The following NLGN2 variants were observed in gnomAD, a reference collection of about 807,000 sequenced individuals.
The protein encoded by NLGN2 is neuroligin-2.
In NLGN2, 11 loss-of-function variants were observed where a neutral mutation model predicts 48.6. That is an observed-to-expected ratio of 0.23 (90% CI 0.14 to 0.37). The LOEUF is 0.37. Among genes scored for constraint, NLGN2 ranks in the 10% least tolerant of loss-of-function variants. NLGN2 has a pLI of 1.00. For missense variants in NLGN2, 801 were observed against 1,225.2 expected (o/e 0.65, Z 5.17); for synonymous variants, 548 against 550.0 (o/e 1.00, Z 0.05).
rs201917326 is a variant in NLGN2 at position 7,414,350 on chromosome 17, G to A, written c.515G>A (p.Arg172His). ...CCCACCCCTCCCCACACAGATATCC[G>A]TGACCCTGGGAAGAAGCCTGTGATG... Reference protein sequence around the residue: ...ATLNPPDTDIRDPGKKPVMLF... With the variant: ...ATLNPPDTDIHDPGKKPVMLF... Residue 172 changes from arginine (R) to histidine (H), a missense_variant, in exon 3 of 7, where the codon CGT (arginine) becomes CAT (histidine). By Grantham distance (29) the Arg-to-His change is conservative. Around this residue, in one of 5 missense-constraint regions of NLGN2, gnomAD observed 56 missense variants for 100.0 expected, o/e 0.56. Transcript: ENST00000302926. 128 of 1,297,388 alleles carry A rather than the reference G, an allele frequency of 9.9e-5. No individual in the cohort carries two copies. The highest frequency in any genetic ancestry group is 1.8e-4 in the Middle Eastern group (1 of 5,448). 80.4% of individuals were successfully genotyped at this position (1,297,388 alleles called of 1,614,324 possible). A position where few individuals can be genotyped will look rare whatever the true frequency, so the allele number is the denominator to read the frequency against.
intron 1 of NLGN2, among the ~76,000 whole-genome samples, chr17:7,409,653 A>C (rs747335046): frequency 6.6e-6 from 1 of 152,064 alleles, no homozygotes; most frequent in Non-Finnish European, 1.5e-5. Flanking sequence ...CGCTTCCCAC[A>C]GTCCATGTTT....
chr17:7,418,556 A>C lies in NLGN2; in HGVS notation c.*757A>C, dbSNP rs980752192. On this transcript the variant is annotated 3_prime_UTR_variant, in exon 7 of 7. Transcript: ENST00000302926. ...GGCCAGGACGCATTTCTCTGAGTGG[A>C]AACAGGTTCTTGCATGTGGATGTGT... 1 of 152,188 alleles carries C rather than the reference A, an allele frequency of 6.6e-6. No homozygotes were observed. Among genetic ancestry groups the C allele is most frequent in the African/African-American group, 2.4e-5 (1 of 41,406 alleles). 9.4% of individuals were successfully genotyped at this position (152,188 alleles called of 1,614,324 possible).
rs1339902346 is a variant in NLGN2 at position 7,411,108 on chromosome 17, G to A, written c.458-1049G>A. On this transcript the variant is annotated intron_variant, in intron 1 of 6. Transcript: ENST00000302926. The surrounding 1 kb of genome is among the most constrained non-coding windows in gnomAD (Gnocchi z 4.5). ...TGACCAACCCCGTAATCTGGAAGAA[G>A]CCCTGACACTGGGCGAACCTGGTGC... is the stretch of plus-strand genomic sequence containing the variant. Among the ~76,000 whole-genome samples the A allele has an allele frequency of 2.0e-5, 3 of 152,250 alleles. No individual in the cohort carries two copies. Among genetic ancestry groups the A allele is most frequent in the Non-Finnish European group, 2.9e-5 (2 of 68,052 alleles).
chr17:7,414,902 C>T (rs201568017), intron 4 of NLGN2, 54 bp downstream of exon 4: 4 of 1,613,472 alleles, frequency 2.5e-6, no homozygotes, highest in South Asian at 1.1e-5. Flanking sequence ...CAACTCCCCC[C>T]TCTCCTTCAG....
At position 7,408,840 on chromosome 17, in the gene NLGN2, T is replaced by C; in HGVS notation, c.457+128T>C. ...TTTGTGGGGGCAGTGAGGGACGGAG[T>C]GTCCCTGCAACCTCTACGTGCCCCC... On this transcript the variant is annotated intron_variant, in intron 1 of 6. Transcript: ENST00000302926. The surrounding 1 kb of genome is among the most constrained non-coding windows in gnomAD (Gnocchi z 7.5). 1.3e-6 allele frequency: 2 copies of C among 1,517,554 alleles called. No homozygotes were observed. Among genetic ancestry groups the C allele is most frequent in the South Asian group, 1.2e-5 (1 of 86,066 alleles). 94.0% of individuals were successfully genotyped at this position (1,517,554 alleles called of 1,614,324 possible). A position where few individuals can be genotyped will look rare whatever the true frequency, so the allele number is the denominator to read the frequency against.
chr17:7,410,645 G>C (rs1906843398), intron 1 of NLGN2, among the ~76,000 whole-genome samples: 1 of 152,078 alleles, frequency 6.6e-6, no homozygotes. Context: ...CCAATGGACT[G>C]TCCACCCCAA....
At chr17:7,412,277 A>G (rs113517824) in intron 2 of NLGN2, 70 bp downstream of exon 2, 1 of 1,175,944 alleles carries the variant, frequency 8.5e-7, no homozygotes, top group East Asian at 2.3e-5. Context: ...GCCCCTCACT[A>G]AATGTCCCCA....
chr17:7,408,721 G>A lies in NLGN2; in HGVS notation c.457+9G>A, dbSNP rs147902166. On this transcript the variant is annotated intron_variant, in intron 1 of 6. Coordinates refer to ENST00000302926, the MANE Select transcript of NLGN2 (RefSeq NM_020795.4). This position sits in a 1 kb window ranked among gnomAD's most constrained non-coding sequence, Gnocchi z 7.5. ...CGTGCCCACCGAGGACGGTAAGGGC[G>A]CGGGCACAAAGCCGGGCACCCCGTG... is the stretch of plus-strand genomic sequence containing the variant. 2,567 of 1,612,784 alleles carry A rather than the reference G, an allele frequency of 1.6e-3. 45 individuals are homozygous for A. In the African/African-American group the frequency reaches 0.031, roughly 19 times the overall value.
At position 7,415,880 on chromosome 17, in the gene NLGN2, G is replaced by A. The variant is rs1200939436; in HGVS notation, c.1407G>A (p.Lys469=). ...QWVAPAVATA[K]LHADYQSPVY... ...TGGCACCAGCTGTGGCCACTGCCAA[G>A]CTGCACGCCGACTACCAGTCTCCCG... The change falls in exon 6 of 7, where the codon AAG becomes AAA. Residue 469 remains lysine (K), a synonymous_variant. Transcript: ENST00000302926. 6.2e-7 allele frequency: 1 copy of A among 1,610,566 alleles called. No homozygotes were observed. The highest frequency in any genetic ancestry group is 8.5e-7 in the Non-Finnish European group (1 of 1,177,498).
chr17:7,412,594 C>G (rs1005859114), intron 2 of NLGN2, among the ~76,000 whole-genome samples: 4 of 151,794 alleles, frequency 2.6e-5, no homozygotes, highest in Admixed American at 2.0e-4. Context: ...GAAATTGGAA[C>G]AAAACAACAG....
At chr17:7,412,687 A>G (rs781366495) in intron 2 of NLGN2, among the ~76,000 whole-genome samples, 3 of 152,208 alleles carry the variant, frequency 2.0e-5, no homozygotes, top group African/African-American at 7.2e-5. Flanking sequence ...AGCCTGTCAG[A>G]CACAGAAAAC....
In NLGN2 at chr17:7,417,945, G is replaced by A. The variant is rs1340090146; in HGVS notation, c.*146G>A. ...TAAGGTGGACATGGGATTCCTCCCT[G>A]CGATGCGTGTCTTTCCCACGCAGAG... On this transcript the variant is annotated 3_prime_UTR_variant, in exon 7 of 7. Coordinates refer to ENST00000302926, the MANE Select transcript of NLGN2 (RefSeq NM_020795.4). 5.1e-5 allele frequency: 33 copies of A among 651,912 alleles called. No individual in the cohort carries two copies. The East Asian group carries it at 1.1e-3, about 22-fold the overall frequency. 40.4% of individuals were successfully genotyped at this position (651,912 alleles called of 1,614,324 possible).
Position 7,408,792 on chromosome 17 carries a change from G to C in NLGN2, c.457+80G>C. 1.2e-6 allele frequency: 2 copies of C among 1,605,452 alleles called. No homozygotes were observed. The highest frequency in any genetic ancestry group is 8.5e-7 in the Non-Finnish European group (1 of 1,177,312). ...ATGCAGACCCTCAGGCACTGGCACC[G>C]CTCTAGGGCTCAGAGCTGGGCCTTT... On this transcript the variant is annotated intron_variant, in intron 1 of 6. Coordinates refer to ENST00000302926, the MANE Select transcript of NLGN2 (RefSeq NM_020795.4). The surrounding 1 kb of genome is among the most constrained non-coding windows in gnomAD (Gnocchi z 7.5).
chr17:7,414,935 G>A, intron 4 of NLGN2, 21 bp from the exon 5 acceptor site: 1 of 1,613,168 alleles, frequency 6.2e-7, no homozygotes, highest in Non-Finnish European at 8.5e-7. Context: ...AGCCTGGCCT[G>A]AGGTCTGCCT....
rs750486754 is a variant in NLGN2, at chr17:7,417,200, G to A, written c.1909G>A (p.Ala637Thr). The change falls in exon 7 of 7, where the codon GCC (alanine) becomes ACC (threonine). Residue 637 changes from alanine to threonine, a missense_variant. By Grantham distance (58) the Ala-to-Thr change is moderately conservative. Coordinates refer to ENST00000302926, the MANE Select transcript of NLGN2 (RefSeq NM_020795.4). ...CTGGCCGCCTCGTCCCCCCGCTGGC[G>A]CCCCGGGCACACGCCGGCCCCCGCC... ...TRWPPRPPAG[A>T]PGTRRPPPPA... The A allele has an allele frequency of 3.1e-5, 48 of 1,561,120 alleles. No homozygotes were observed. In the Middle Eastern group the frequency reaches 5.5e-4, roughly 18 times the overall value.
In NLGN2 at chr17:7,408,180, C is replaced by G. The variant is rs1022354544; in HGVS notation, c.-76C>G. 1.3e-6 allele frequency: 1 copy of G among 795,228 alleles called. No homozygotes were observed. The allele number at this position is 795,228 out of a possible 1,614,324, so 49.3% of individuals were successfully genotyped here. Reference sequence around the variant, plus strand: ...CTCCCTCCTGGGGCGAGGGGGGCCTCCCTCCCTCTCCCCCCCTTCTCTCTC... The same window carrying G: ...CTCCCTCCTGGGGCGAGGGGGGCCTGCCTCCCTCTCCCCCCCTTCTCTCTC... On this transcript the variant is annotated 5_prime_UTR_variant, in exon 1 of 7. Coordinates refer to ENST00000302926, the MANE Select transcript of NLGN2 (RefSeq NM_020795.4). The surrounding 1 kb of genome is among the most constrained non-coding windows in gnomAD (Gnocchi z 7.5).
In NLGN2 at chr17:7,408,270, G is replaced by A. The variant is rs1474203798; in HGVS notation, c.15G>A (p.Ala5=). ...CCCCGATCAGCATGTGGCTCCTGGC[G>A]CTGTGTCTGGTGGGGCTGGCGGGGG... The part of the protein sequence containing the change: MWLL[A]LCLVGLAGAQ... Residue 5 remains alanine, a synonymous_variant, in exon 1 of 7, where the codon GCG becomes GCA. Transcript: ENST00000302926. This position sits in a 1 kb window ranked among gnomAD's most constrained non-coding sequence, Gnocchi z 7.5. 1.5e-6 allele frequency: 2 copies of A among 1,321,262 alleles called. No individual in the cohort carries two copies. The highest frequency in any genetic ancestry group is 6.2e-5 in the East Asian group (2 of 32,092). 81.8% of individuals were successfully genotyped at this position (1,321,262 alleles called of 1,614,324 possible). A position where few individuals can be genotyped will look rare whatever the true frequency, so the allele number is the denominator to read the frequency against.
In NLGN2 at chr17:7,416,054, C is replaced by T. The variant is rs145456351; in HGVS notation, c.1581C>T (p.Asp527=). 5.4e-4 allele frequency: 834 copies of T among 1,557,898 alleles called. 9 individuals are homozygous for T. In the African/African-American group the frequency reaches 9.3e-3, roughly 17 times the overall value. The change falls in exon 6 of 7, where the codon GAC becomes GAT. Residue 527 remains aspartate (D), a synonymous_variant. Transcript: ENST00000302926. ...TCCCCTGTAACTTCTCCAAGAATGA[C>T]GTCATGCTCAGTGCCGTGGTCATGA... is the stretch of plus-strand genomic sequence containing the variant. ...DLFPCNFSKN[D]VMLSAVVMTY...
At position 7,415,114 on chromosome 17, in the gene NLGN2, C is replaced by A; in HGVS notation, c.1003C>A (p.Arg335=). The A allele has an allele frequency of 6.2e-7, 1 of 1,606,526 alleles. No homozygotes were observed. The highest frequency in any genetic ancestry group is 1.3e-5 in the African/African-American group (1 of 74,942). ...GGAGTGTCTGCGCCGGAAGCCCTCC[C>A]GGGAGCTGGTGGACCAGGACGTGCA... ...AVECLRRKPS[R]ELVDQDVQPA... The change falls in exon 5 of 7, where the codon CGG becomes AGG. Residue 335 remains arginine (R), a synonymous_variant. Coordinates refer to ENST00000302926, the MANE Select transcript of NLGN2 (RefSeq NM_020795.4).
Sources: allele counts gnomAD v4.1 joint callset (sites outside exome capture counted in the v4.1 genomes callset), GRCh38; gene constraint gnomAD v4.1.1; regional missense constraint gnomAD v4.1.1; non-coding constraint Gnocchi (gnomAD v3.1); transcripts MANE v1.5; gene names NCBI Gene and HGNC (gene_info 2026-07-23, HGNC 2026-07-21).